Variants in PDE2A observed in about 807,000 individuals in gnomAD.
The protein encoded by PDE2A is cGMP-dependent 3',5'-cyclic phosphodiesterase.
PDE2A carries 53 observed loss-of-function variants against 133.6 expected under a neutral mutation model. The observed-to-expected ratio is 0.40, with a 90% CI of 0.32 to 0.50. The LOEUF (loss-of-function observed/expected upper bound fraction) is 0.50. Among genes scored for constraint, PDE2A ranks in the 20% least tolerant of loss-of-function variants. The pLI is 0.73. For missense variants in PDE2A, 796 were observed against 1,232.4 expected (o/e 0.65, Z 5.30); for synonymous variants, 491 against 490.2 (o/e 1.00, Z -0.02).
Position 72,581,362 on chromosome 11 carries a change from G to T in PDE2A, c.2040C>A (p.Tyr680Ter). 6.2e-7 allele frequency: 1 copy of T among 1,613,180 alleles called. No homozygotes were observed. The highest frequency in any genetic ancestry group is 8.5e-7 in the Non-Finnish European group (1 of 1,179,842). Residue 680 changes from tyrosine to a stop codon, truncating the protein, a stop_gained, in exon 23 of 31, where the codon TAC (tyrosine) becomes TAA (stop). Coordinates refer to ENST00000334456, the MANE Select transcript of PDE2A (RefSeq NM_002599.5). LOFTEE classifies it high-confidence loss of function. The stretch of plus-strand genomic sequence containing the variant: ...GGGGAGATGCAGCCACTCACTCGAG[G>T]TAGTTGGTGAGCTCCAGGTTCTTGT... ...LLYKNLELTN[Y>*]LEDIEIFALF... is the part of the protein sequence containing the mutation.
intron 2 of PDE2A, among the ~76,000 whole-genome samples, chr11:72,613,888 C>A (rs1338979190): frequency 5.9e-5 from 9 of 152,178 alleles, no homozygotes; most frequent in African/African-American, 2.2e-4. Flanking sequence ...GAGGACAGGG[C>A]CCTTCAAGAG....
intron 2 of PDE2A, chr11:72,636,108 C>G: frequency 8.1e-7 from 1 of 1,232,436 alleles, no homozygotes; most frequent in South Asian, 1.3e-5. Context: ...GAATGCCTGC[C>G]CCCTGAAGCC....
chr11:72,614,458 C>G (rs1591071854), intron 2 of PDE2A, among the ~76,000 whole-genome samples: 1 of 152,256 alleles, frequency 6.6e-6, no homozygotes, highest in South Asian at 2.1e-4. Flanking sequence ...GGTACCTTTC[C>G]CAAGCACCTC....
At chr11:72,585,267 C>A (rs1279576716) in intron 16 of PDE2A, 104 bp downstream of exon 16, 1 of 950,392 alleles carries the variant, frequency 1.1e-6, no homozygotes, top group African/African-American at 1.6e-5. Flanking sequence ...GTGATGAAGT[C>A]CCGCAGAAGG....
chr11:72,628,074 A>T lies in PDE2A; in HGVS notation c.144+14180T>A, dbSNP rs974621857. Among the ~76,000 whole-genome samples, 4 of 152,152 alleles carry T rather than the reference A, an allele frequency of 2.6e-5. 1 individual carries two copies. The highest frequency in any genetic ancestry group is 2.6e-4 in the Admixed American group (4 of 15,282). On this transcript the variant is annotated intron_variant, in intron 2 of 30. Coordinates refer to ENST00000334456, the MANE Select transcript of PDE2A (RefSeq NM_002599.5). ...GCTGCTGCCCAGCCAGTGCCAGGAG[A>T]GTGTGCCATGCCCATAGAACTTCCA...
At chr11:72,584,179 C>G in intron 19 of PDE2A, 22 bp downstream of exon 19, 1 of 1,263,876 alleles carries the variant, frequency 7.9e-7, no homozygotes, top group Non-Finnish European at 1.1e-6. Flanking sequence ...ACCCCACACC[C>G]CACTCCCAAC....
In PDE2A at chr11:72,577,495, G is replaced by A. The variant is rs762247889; in HGVS notation, c.2715C>T (p.Arg905=). ...CCAGCGAGTTGTTACTTGGGAGGCC[G>A]CGGATGGTGAACTTGTGGGACACCT... ...WTKVSHKFTI[R]GLPSNNSLDF... The change falls in exon 31 of 31, where the codon CGC becomes CGT. Residue 905 remains arginine, a synonymous_variant. Coordinates refer to ENST00000334456, the MANE Select transcript of PDE2A (RefSeq NM_002599.5). 34 of 1,613,524 alleles carry A rather than the reference G, an allele frequency of 2.1e-5. 1 individual carries two copies. Among genetic ancestry groups the A allele is most frequent in the East Asian group, 1.6e-4 (7 of 44,896 alleles).
At chr11:72,593,605 G>A (rs978543226) in intron 6 of PDE2A, among the ~76,000 whole-genome samples, 1 of 152,164 alleles carries the variant, frequency 6.6e-6, no homozygotes, top group Non-Finnish European at 1.5e-5. Flanking sequence ...GGAAGAGTGG[G>A]CACAAATCAG....
At chr11:72,621,617 G>A (rs192119361) in intron 2 of PDE2A, 1 of 152,306 alleles carries the variant, frequency 6.6e-6, no homozygotes, top group East Asian at 1.9e-4. Flanking sequence ...ACCCTCACTT[G>A]GAGTCTCCCA....
intron 1 of PDE2A, among the ~76,000 whole-genome samples, chr11:72,662,042 A>C (rs1437541738): frequency 1.3e-5 from 2 of 151,254 alleles, no homozygotes; most frequent in African/African-American, 4.9e-5. Flanking sequence ...TTGTATATTT[A>C]TGTTGGTGTT....
intron 1 of PDE2A, among the ~76,000 whole-genome samples, chr11:72,648,858 G>A (rs554797635): frequency 6.6e-5 from 10 of 151,872 alleles, no homozygotes; most frequent in Non-Finnish European, 7.4e-5. Context: ...TTCCTATCAC[G>A]CCTACACCCC....
chr11:72,589,052 A>G, intron 12 of PDE2A, 123 bp downstream of exon 12: 3 of 1,212,844 alleles, frequency 2.5e-6, no homozygotes, highest in Non-Finnish European at 3.6e-6. Context: ...GAGATGGGAC[A>G]GTAGAAAGTC....
chr11:72,644,984 T>G (rs1859093339), intron 1 of PDE2A, among the ~76,000 whole-genome samples: 1 of 152,154 alleles, frequency 6.6e-6, no homozygotes, highest in Non-Finnish European at 1.5e-5. Context: ...CTCGATCTCT[T>G]GACCTCATGA....
intron 2 of PDE2A, among the ~76,000 whole-genome samples, chr11:72,623,369 T>C (rs1003283093): frequency 6.6e-6 from 1 of 152,106 alleles, no homozygotes; most frequent in Non-Finnish European, 1.5e-5. Context: ...TCTGTCTCGT[T>C]GCTGCTCCTT....
intron 11 of PDE2A, 40 bp from the exon 12 acceptor site, chr11:72,589,280 C>G: frequency 6.7e-7 from 1 of 1,495,824 alleles, no homozygotes; most frequent in Non-Finnish European, 9.3e-7. Flanking sequence ...CCCAGTACTC[C>G]CCAGGTCAGG....
At chr11:72,579,213 A>G (rs1855602684) in intron 27 of PDE2A, 71 bp downstream of exon 27, 5 of 1,229,912 alleles carry the variant, frequency 4.1e-6, no homozygotes, top group Non-Finnish European at 4.8e-6. Context: ...CACCCTGGGA[A>G]TGCTCCCCTG....
intron 2 of PDE2A, among the ~76,000 whole-genome samples, chr11:72,640,409 ACG>A (rs2135434444): frequency 6.6e-6 from 1 of 151,708 alleles, no homozygotes; most frequent in East Asian, 1.9e-4. Flanking sequence ...GTGTACATGC[ACG>A]CACACACACA....
chr11:72,616,332 C>G (rs1391293321), intron 2 of PDE2A, among the ~76,000 whole-genome samples: 1 of 152,194 alleles, frequency 6.6e-6, no homozygotes, highest in Non-Finnish European at 1.5e-5. Context: ...CCCTTTCCCC[C>G]ACCATGGCAT....
chr11:72,585,338 C>T, intron 16 of PDE2A, 33 bp downstream of exon 16: 1 of 1,592,912 alleles, frequency 6.3e-7, no homozygotes, highest in Non-Finnish European at 8.6e-7. Context: ...GCCACAGCCT[C>T]TCTCGCCCTG....
Sources: allele counts gnomAD v4.1 joint callset (sites outside exome capture counted in the v4.1 genomes callset), GRCh38; gene constraint gnomAD v4.1.1; transcripts MANE v1.5; gene names NCBI Gene and HGNC (gene_info 2026-07-23, HGNC 2026-07-21).